The following PSMD13 variants were observed in gnomAD, a reference collection of about 807,000 sequenced individuals.
PSMD13 encodes 26S proteasome non-ATPase regulatory subunit 13.
PSMD13 carries 8 observed loss-of-function variants against 57.4 expected under a neutral mutation model. The ratio of observed to expected loss-of-function variants is 0.14; its 90% CI spans 0.08 to 0.25. PSMD13 has a LOEUF of 0.25. Ranked by LOEUF, PSMD13 falls within the 10% of genes least tolerant of loss-of-function variation. The pLI, the probability that PSMD13 is intolerant of heterozygous loss-of-function variation, is 1.00. For synonymous variants in PSMD13, 193 were observed against 168.2 expected, an observed-to-expected ratio of 1.15 and a Z score of -1.14; for missense variants, 400 against 461.5, an observed-to-expected ratio of 0.87 and a Z score of 1.22.
rs765904951 is a variant in PSMD13 at position 252,477 on chromosome 11, G to A, written c.1036-28G>A. On this transcript the variant is annotated intron_variant, in intron 12 of 12. Coordinates refer to ENST00000532097, the MANE Select transcript of PSMD13 (RefSeq NM_002817.4). The surrounding 1 kb of genome is among the most constrained non-coding windows in gnomAD (Gnocchi z 4.1). Reference sequence around the variant, plus strand: ...GCCTGTGTCTCCTGCGTGTCTTAACGTCCCTTGTGTCCGGATTTCCATTTC... The same window carrying A: ...GCCTGTGTCTCCTGCGTGTCTTAACATCCCTTGTGTCCGGATTTCCATTTC... 1.2e-5 allele frequency: 19 copies of A among 1,609,884 alleles called. No individual in the cohort carries two copies. Among genetic ancestry groups the A allele is most frequent in the South Asian group, 8.8e-5 (8 of 90,978 alleles).
rs1287338328 is a variant in PSMD13, at chr11:238,888, T to C, written c.96-110T>C. 6.6e-6 allele frequency: 7 copies of C among 1,068,072 alleles called. No individual in the cohort carries two copies. In the African/African-American group the frequency reaches 1.1e-4, roughly 17 times the overall value. The allele number at this position is 1,068,072 out of a possible 1,614,324, so 66.2% of individuals were successfully genotyped here. On this transcript the variant is annotated intron_variant, in intron 1 of 12. Transcript: ENST00000532097. ...TTTTGAATTTTGGAGTTTTGGAGTTTTGGATTAGAGATACCCAACCTGTAT... is the reference window on the plus strand; with the variant it reads ...TTTTGAATTTTGGAGTTTTGGAGTTCTGGATTAGAGATACCCAACCTGTAT...
intron 2 of PSMD13, among the ~76,000 whole-genome samples, chr11:241,489 T>C (rs10902111): frequency 0.15 from 22,822 of 152,172 alleles, 1,832 homozygotes; most frequent in South Asian, 0.34. Flanking sequence ...GATTGGAATA[T>C]GTAATTGCTA....
chr11:241,907 T>C (rs1564820682), intron 2 of PSMD13, among the ~76,000 whole-genome samples: 1 of 151,706 alleles, frequency 6.6e-6, no homozygotes, highest in Non-Finnish European at 1.5e-5. Flanking sequence ...TCTTCAGTGC[T>C]TCCTAGTCTG....
At chr11:238,609 T>G (rs1859442658) in intron 1 of PSMD13, among the ~76,000 whole-genome samples, 1 of 152,174 alleles carries the variant, frequency 6.6e-6, no homozygotes, top group Admixed American at 6.5e-5. Context: ...AGGCAGAGGT[T>G]GCAGTGAGCC....
Position 238,527 on chromosome 11 carries a change from C to T in PSMD13, c.96-471C>T, listed in dbSNP as rs150851276. On this transcript the variant is annotated intron_variant, in intron 1 of 12. Transcript: ENST00000532097. ...CTTATCAGAAATGCATTGGGGCGGC[C>T]GGGCGCAGTGGCTCATGCCTGTAAT... Among the ~76,000 whole-genome samples, 1,490 of 152,146 alleles carry T rather than the reference C, an allele frequency of 9.8e-3. 22 individuals are homozygous for T. The highest frequency in any genetic ancestry group is 0.034 in the African/African-American group (1,412 of 41,494).
intron 2 of PSMD13, among the ~76,000 whole-genome samples, chr11:242,942 C>T (rs544392549): frequency 2.2e-4 from 34 of 152,156 alleles, no homozygotes; most frequent in South Asian, 6.2e-4. Context: ...ACTACAGGCG[C>T]GCGCCACCAT....
Position 252,247 on chromosome 11 carries a change from A to C in PSMD13, c.1036-258A>C, listed in dbSNP as rs1279155108. On this transcript the variant is annotated intron_variant, in intron 12 of 12. Transcript: ENST00000532097. This position sits in a 1 kb window ranked among gnomAD's most constrained non-coding sequence, Gnocchi z 4.1. ...TGATTTGAGCTCACGTCGCTCTTAC[A>C]TTTGCTGGAAATGCGATCCTGTGGA... 1.9e-6 allele frequency: 1 copy of C among 520,154 alleles called. No homozygotes were observed. The highest frequency in any genetic ancestry group is 3.2e-5 in the East Asian group (1 of 31,162). The allele number at this position is 520,154 out of a possible 1,614,324, so 32.2% of individuals were successfully genotyped here.
Position 244,021 on chromosome 11 carries a change from T to A in PSMD13, c.175-20T>A. ...AATAAAAGACATCCTATAATTTCTC[T>A]CCATGTTTTGGTTTCACAGCTTTAT... is the stretch of plus-strand genomic sequence containing the variant. On this transcript the variant is annotated intron_variant, in intron 2 of 12. Coordinates refer to ENST00000532097, the MANE Select transcript of PSMD13 (RefSeq NM_002817.4). The A allele has an allele frequency of 6.3e-7, 1 of 1,597,418 alleles. No homozygotes were observed. The highest frequency in any genetic ancestry group is 8.6e-7 in the Non-Finnish European group (1 of 1,168,748).
chr11:247,334 C>A lies in PSMD13; in HGVS notation c.454C>A (p.His152Asn). ...CAACCTTCCTGGTGTGACATCGGTTCACAGTCGTTTCTATGATCTCTCCAG... is the reference window on the plus strand; with the variant it reads ...CAACCTTCCTGGTGTGACATCGGTTAACAGTCGTTTCTATGATCTCTCCAG... ...LNNLPGVTSV[H>N]SRFYDLSSKY... The change falls in exon 7 of 13, where the codon CAC becomes AAC. Residue 152 changes from histidine to asparagine, a missense_variant. Transcript: ENST00000532097. The A allele has an allele frequency of 6.2e-7, 1 of 1,614,082 alleles. No individual in the cohort carries two copies. The highest frequency in any genetic ancestry group is 1.1e-5 in the South Asian group (1 of 91,060).
Position 252,660 on chromosome 11 carries a change from A to G in PSMD13, c.*60A>G. The G allele has an allele frequency of 2.0e-6, 3 of 1,503,744 alleles. No homozygotes were observed. The highest frequency in any genetic ancestry group is 1.7e-5 in the Admixed American group (1 of 59,294). The allele number at this position is 1,503,744 out of a possible 1,614,324, so 93.2% of individuals were successfully genotyped here. A position where few individuals can be genotyped will look rare whatever the true frequency, so the allele number is the denominator to read the frequency against. On this transcript the variant is annotated 3_prime_UTR_variant, in exon 13 of 13. Coordinates refer to ENST00000532097, the MANE Select transcript of PSMD13 (RefSeq NM_002817.4). This position sits in a 1 kb window ranked among gnomAD's most constrained non-coding sequence, Gnocchi z 4.1. The stretch of plus-strand genomic sequence containing the variant: ...CACCTGAGAGAGGCGTTTGCAGCCA[A>G]TGAAGCTGGCTGCTCAGACGGTCGA...
chr11:250,860 A>G lies in PSMD13; in HGVS notation c.832A>G (p.Met278Val), dbSNP rs764015734. The change falls in exon 10 of 13, where the codon ATG (methionine) becomes GTG (valine). Residue 278 changes from methionine (M) to valine (V), a missense_variant. Transcript: ENST00000532097. ...GAGGAAAATTCAGTTGTTGTGCCTC[A>G]TGGAGGTAAGCGAACACCCAGGAGC... Reference protein sequence around the residue: ...LLRKIQLLCLMEMTFTRPANH... With the variant: ...LLRKIQLLCLVEMTFTRPANH... 1.4e-5 allele frequency: 23 copies of G among 1,613,678 alleles called. No individual in the cohort carries two copies. The highest frequency in any genetic ancestry group is 1.9e-5 in the Non-Finnish European group (22 of 1,179,938).
rs758132293 is a variant in PSMD13 at position 251,886 on chromosome 11, A to C, written c.985A>C (p.Lys329Gln). The C allele has an allele frequency of 4.3e-6, 7 of 1,614,206 alleles. No individual in the cohort carries two copies. In the East Asian group the frequency reaches 1.6e-4, roughly 36 times the overall value. The change falls in exon 12 of 13, where the codon AAA (lysine) becomes CAA (glutamine). Residue 329 changes from lysine to glutamine, a missense_variant. Coordinates refer to ENST00000532097, the MANE Select transcript of PSMD13 (RefSeq NM_002817.4). This position sits in a 1 kb window ranked among gnomAD's most constrained non-coding sequence, Gnocchi z 4.6. ...GAAAGGCAGTATAGACGAGGTGGAC[A>C]AACGAGTCCACATGACCTGGGTGCA... The part of the protein sequence containing the change: ...LVKGSIDEVD[K>Q]RVHMTWVQPR...
At chr11:241,629 C>T (rs1368861386) in intron 2 of PSMD13, among the ~76,000 whole-genome samples, 1 of 152,192 alleles carries the variant, frequency 6.6e-6, no homozygotes, top group Non-Finnish European at 1.5e-5. Context: ...CCAGTTACCC[C>T]TAACTCAGGG....
At chr11:248,748 T>G (rs1013671139) in intron 7 of PSMD13, 28 bp from the exon 8 acceptor site, 1 of 1,606,092 alleles carries the variant, frequency 6.2e-7, no homozygotes. Flanking sequence ...ATGACTGGAT[T>G]GTAAGTGGGC....
chr11:237,884 T>C (rs1859383301), intron 1 of PSMD13, among the ~76,000 whole-genome samples: 1 of 152,210 alleles, frequency 6.6e-6, no homozygotes, highest in South Asian at 2.1e-4. Context: ...CCATAGAAAA[T>C]ACATCTCCTG....
At chr11:245,240 G>GC (rs1238361831) in intron 6 of PSMD13, among the ~76,000 whole-genome samples, 8 of 152,062 alleles carry the variant, frequency 5.3e-5, no homozygotes, top group Admixed American at 1.3e-4. Flanking sequence ...GCTGCGCCCA[G>GC]CCCCCCCGAT....
At position 245,427 on chromosome 11, in the gene PSMD13, A is replaced by G. The variant is rs78357395; in HGVS notation, c.396+666A>G. On this transcript the variant is annotated intron_variant, in intron 6 of 12. Transcript: ENST00000532097. ...CATGGCCTCAGTCAGCCCAAAGCAC[A>G]TTGGTTCTCCCTGACCAAGGTCAGC... Among the ~76,000 whole-genome samples, 504 of 152,250 alleles carry G rather than the reference A, an allele frequency of 3.3e-3. 25 individuals are homozygous for G. In the East Asian group the frequency reaches 0.082, roughly 25 times the overall value.
intron 2 of PSMD13, chr11:243,473 A>G (rs906316198): frequency 3.3e-6 from 1 of 304,696 alleles, no homozygotes; most frequent in Non-Finnish European, 6.5e-6. Context: ...TAGGACAGAT[A>G]CAAATAAACC....
At chr11:241,798 C>G (rs1172673012) in intron 2 of PSMD13, among the ~76,000 whole-genome samples, 1 of 152,198 alleles carries the variant, frequency 6.6e-6, no homozygotes, top group East Asian at 1.9e-4. Flanking sequence ...CTCTCTCAGT[C>G]TCTTTCACCT....
Sources: allele counts gnomAD v4.1 joint callset (sites outside exome capture counted in the v4.1 genomes callset), GRCh38; gene constraint gnomAD v4.1.1; non-coding constraint Gnocchi (gnomAD v3.1); transcripts MANE v1.5; gene names NCBI Gene and HGNC (gene_info 2026-07-23, HGNC 2026-07-21).